Variants in RXRA observed in about 807,000 individuals in gnomAD.
RXRA encodes the protein retinoid X receptor alpha.
In RXRA, 5 loss-of-function variants were observed where a neutral mutation model predicts 44.5. That is an observed-to-expected ratio of 0.11 (90% CI 0.06 to 0.24). The LOEUF (loss-of-function observed/expected upper bound fraction) is 0.24. Ranked by LOEUF, RXRA falls within the 10% of genes least tolerant of loss-of-function variation. The pLI is 1.00. For missense variants in RXRA, 412 were observed against 646.5 expected (o/e 0.64, Z 3.93); for synonymous variants, 291 against 271.4 (o/e 1.07, Z -0.71).
chr9:134,334,135 C>G (rs1232042824), intron 1 of RXRA, among the ~76,000 whole-genome samples: 3 of 152,264 alleles, frequency 2.0e-5, no homozygotes, highest in Non-Finnish European at 2.9e-5. Flanking sequence ...GTGTTGAGGC[C>G]GCTGCTGGTG....
chr9:134,429,511 G>A (rs1190987265), intron 7 of RXRA, among the ~76,000 whole-genome samples: 1 of 152,224 alleles, frequency 6.6e-6, no homozygotes, highest in Non-Finnish European at 1.5e-5. Flanking sequence ...TCCGTGGGAA[G>A]GAAAGCTTCG....
Position 134,407,876 on chromosome 9 carries a change from G to C in RXRA, c.280-273G>C, listed in dbSNP as rs1831080562. On this transcript the variant is annotated intron_variant, in intron 2 of 9. Transcript: ENST00000481739. The surrounding 1 kb of genome is among the most constrained non-coding windows in gnomAD (Gnocchi z 4.8). ...TGCAAGCAGGGACCGCCCATGTGTT[G>C]GGGGGGGTGTTGAAGGTCCTTTTCC... Among the ~76,000 whole-genome samples, 1 of 151,494 alleles carries C rather than the reference G, an allele frequency of 6.6e-6. No individual in the cohort carries two copies. Among genetic ancestry groups the C allele is most frequent in the Non-Finnish European group, 1.5e-5 (1 of 67,848 alleles).
chr9:134,389,466 G>T (rs368870975), intron 1 of RXRA, among the ~76,000 whole-genome samples: 59 of 152,176 alleles, frequency 3.9e-4, no homozygotes, highest in African/African-American at 1.3e-3. Context: ...ATAATGGGGA[G>T]CCCTGGGACA....
intron 1 of RXRA, among the ~76,000 whole-genome samples, chr9:134,331,275 CAG>C (rs1835000853): frequency 6.6e-6 from 1 of 152,246 alleles, no homozygotes; most frequent in Non-Finnish European, 1.5e-5. Flanking sequence ...GCCTCACAGA[CAG>C]GGAAATTGCG....
chr9:134,425,570 G>T (rs1831419892), intron 6 of RXRA: 1 of 820,332 alleles, frequency 1.2e-6, no homozygotes, highest in South Asian at 5.6e-5. Flanking sequence ...GGGTGAGGGG[G>T]GTGGGGGGAA....
intron 7 of RXRA, 43 bp from the exon 8 acceptor site, chr9:134,431,862 T>C (rs754915419): frequency 6.7e-7 from 1 of 1,494,192 alleles, no homozygotes; most frequent in Admixed American, 1.7e-5. Flanking sequence ...TGGTGAGGGC[T>C]GCGACCTAAC....
chr9:134,419,961 C>T (rs758497866), intron 5 of RXRA, among the ~76,000 whole-genome samples: 4 of 152,172 alleles, frequency 2.6e-5, no homozygotes, highest in Admixed American at 6.5e-5. Context: ...GATGGTGACC[C>T]GTGTGCCCAC....
intron 1 of RXRA, among the ~76,000 whole-genome samples, chr9:134,384,907 ATG>A (rs1419519131): frequency 1.3e-5 from 2 of 152,114 alleles, no homozygotes; most frequent in Non-Finnish European, 2.9e-5. Context: ...GGGTGTGAGC[ATG>A]TGGGGGTGCC....
At chr9:134,434,955 C>T (rs930722246) in intron 9 of RXRA, among the ~76,000 whole-genome samples, 22 of 152,310 alleles carry the variant, frequency 1.4e-4, no homozygotes, top group African/African-American at 4.8e-4. Flanking sequence ...CGTGTCCCCG[C>T]TGCCTGCCCA....
At chr9:134,412,826 G>A (rs1564290673) in intron 4 of RXRA, among the ~76,000 whole-genome samples, 1 of 152,202 alleles carries the variant, frequency 6.6e-6, no homozygotes, top group Non-Finnish European at 1.5e-5. Flanking sequence ...CGTCGGGGGA[G>A]ACATTGGTCT....
chr9:134,340,978 G>A (rs1265388014), intron 1 of RXRA, among the ~76,000 whole-genome samples: 5 of 152,180 alleles, frequency 3.3e-5, no homozygotes, highest in Admixed American at 1.3e-4. Context: ...GTCTGAGAGC[G>A]GCATGGCTGG....
chr9:134,346,444 C>T (rs569961165), intron 1 of RXRA, among the ~76,000 whole-genome samples: 26 of 152,340 alleles, frequency 1.7e-4, no homozygotes, highest in African/African-American at 5.5e-4. Flanking sequence ...GGCCTCACCC[C>T]CACTGGTCCT....
In RXRA at chr9:134,436,467, G is replaced by T; in HGVS notation, c.1242G>T (p.Arg414Ser). 1 of 1,613,814 alleles carries T rather than the reference G, an allele frequency of 6.2e-7. No individual in the cohort carries two copies. Residue 414 changes from arginine to serine, a missense_variant and splice_region_variant, in exon 10 of 10, where the codon AGG (arginine) becomes AGT (serine). This residue lies in a region of RXRA where 141 missense variants were observed against 270.8 expected (regional missense o/e 0.52). Transcript: ENST00000481739. ...CCCTCACCAGACCTGTTCCCTGCAG[G>T]TTCGCTAAGCTCTTGCTCCGCCTGC... is the stretch of plus-strand genomic sequence containing the variant. Reference protein sequence around the residue: ...CKHKYPEQPGRFAKLLLRLPA... With the variant: ...CKHKYPEQPGSFAKLLLRLPA...
chr9:134,408,367 C>T (rs761123756), intron 3 of RXRA, 68 bp downstream of exon 3: 82 of 1,476,334 alleles, frequency 5.6e-5, no homozygotes, highest in Non-Finnish European at 7.1e-5. Context: ...GTCTGGAGGC[C>T]TCCCCAAATC....
chr9:134,392,863 G>A (rs1490712289), intron 1 of RXRA, among the ~76,000 whole-genome samples: 1 of 152,026 alleles, frequency 6.6e-6, no homozygotes, highest in East Asian at 1.9e-4. Flanking sequence ...GAGGAGTAGC[G>A]GCTGCGTTGG....
At chr9:134,385,448 C>T (rs751309946) in intron 1 of RXRA, among the ~76,000 whole-genome samples, 2 of 152,218 alleles carry the variant, frequency 1.3e-5, no homozygotes, top group African/African-American at 2.4e-5. Flanking sequence ...GGCTCTGCTC[C>T]ATTCCGGCCC....
At chr9:134,373,193 T>G (rs1830511294) in intron 1 of RXRA, among the ~76,000 whole-genome samples, 1 of 152,066 alleles carries the variant, frequency 6.6e-6, no homozygotes, top group Non-Finnish European at 1.5e-5. Context: ...AAGGCGGAAG[T>G]GTCTGGGGCC....
intron 1 of RXRA, among the ~76,000 whole-genome samples, chr9:134,383,488 C>G (rs1830675514): frequency 6.6e-6 from 1 of 152,158 alleles, no homozygotes. Context: ...GACACGGACC[C>G]TCATTCCGAG....
intron 1 of RXRA, among the ~76,000 whole-genome samples, chr9:134,389,618 A>G (rs1359532887): frequency 6.6e-6 from 1 of 152,158 alleles, no homozygotes; most frequent in Non-Finnish European, 1.5e-5. Context: ...CCAAGTGACC[A>G]GTGGAGGGGA....
Sources: allele counts gnomAD v4.1 joint callset (sites outside exome capture counted in the v4.1 genomes callset), GRCh38; gene constraint gnomAD v4.1.1; regional missense constraint gnomAD v4.1.1; non-coding constraint Gnocchi (gnomAD v3.1); transcripts MANE v1.5; gene names NCBI Gene and HGNC (gene_info 2026-07-23, HGNC 2026-07-21).